Variants in BRIP1 observed in about 807,000 individuals in gnomAD.
BRIP1 encodes the protein Fanconi anemia group J protein.
Under a neutral mutation model 119.7 loss-of-function variants are expected in BRIP1, and 88 were observed. The observed-to-expected ratio is 0.74, with a 90% confidence interval of 0.62 to 0.88. BRIP1 has a LOEUF of 0.88. Ranked by LOEUF, BRIP1 falls within the 40% of genes least tolerant of loss-of-function variation. BRIP1 has a pLI of 0.00. For missense variants in BRIP1, 1,259 were observed against 1,455.4 expected, an observed-to-expected ratio of 0.87 and a Z score of 2.20; for synonymous variants, 443 against 496.5, an observed-to-expected ratio of 0.89 and a Z score of 1.43.
chr17:61,719,527 A>T (rs1290486708), intron 16 of BRIP1, among the ~76,000 whole-genome samples: 1 of 152,028 alleles, frequency 6.6e-6, no homozygotes, highest in Non-Finnish European at 1.5e-5. Flanking sequence ...GATCAAGACC[A>T]TCCTGGCTAA....
At chr17:61,833,427 T>C (rs2078522140) in intron 6 of BRIP1, among the ~76,000 whole-genome samples, 1 of 152,162 alleles carries the variant, frequency 6.6e-6, no homozygotes, top group Admixed American at 6.5e-5. Flanking sequence ...CCCAGCACTT[T>C]GGGAGGCCAA....
chr17:61,849,443 G>A lies in BRIP1; in HGVS notation c.380-187C>T, dbSNP rs538007900. Reference sequence around the variant, plus strand: ...CAGTTTACTTTACCAAAGATTCTGAGAAACATGCTTTCAATAGGAAAAGTC... The same window carrying A: ...CAGTTTACTTTACCAAAGATTCTGAAAAACATGCTTTCAATAGGAAAAGTC... On this transcript the variant is annotated intron_variant, in intron 4 of 19. Coordinates refer to ENST00000259008, the MANE Select transcript of BRIP1 (RefSeq NM_032043.3). 3.3e-5 allele frequency among the ~76,000 whole-genome samples: 5 copies of A among 150,748 alleles called. No individual in the cohort carries two copies. In the South Asian group the frequency reaches 1.0e-3, roughly 32 times the overall value.
At position 61,862,262 on chromosome 17, in the gene BRIP1, T is replaced by C. The variant is rs2078983259; in HGVS notation, c.-30-693A>G. Among the ~76,000 whole-genome samples the C allele has an allele frequency of 6.6e-6, 1 of 152,242 alleles. No homozygotes were observed. The highest frequency in any genetic ancestry group is 1.5e-5 in the Non-Finnish European group (1 of 68,044). On this transcript the variant is annotated intron_variant, in intron 1 of 19. Coordinates refer to ENST00000259008, the MANE Select transcript of BRIP1 (RefSeq NM_032043.3). The surrounding 1 kb of genome is among the most constrained non-coding windows in gnomAD (Gnocchi z 5.3). ...ATAAGAAAGAGAATGCCTTGGCACA[T>C]AGTAGGCACTCAAAAATGTTATTTG...
rs1169022158 is a variant in BRIP1, at chr17:61,758,518, TC to T, written c.2098-13928del. Reference sequence around the variant, plus strand: ...TGAAAGAAATTTTTTGGAGAAAGCATCGCTTCACAATCTAGTGAATAAGATC... The same window carrying T: ...TGAAAGAAATTTTTTGGAGAAAGCATGCTTCACAATCTAGTGAATAAGATC... On this transcript the variant is annotated intron_variant, in intron 14 of 19. Coordinates refer to ENST00000259008, the MANE Select transcript of BRIP1 (RefSeq NM_032043.3). The surrounding 1 kb of genome is among the most constrained non-coding windows in gnomAD (Gnocchi z 5.3). Among the ~76,000 whole-genome samples the T allele has an allele frequency of 2.0e-5, 3 of 152,198 alleles. No homozygotes were observed. The highest frequency in any genetic ancestry group is 7.2e-5 in the African/African-American group (3 of 41,440).
chr17:61,855,638 G>A (rs1050101958), intron 4 of BRIP1, among the ~76,000 whole-genome samples: 4 of 150,032 alleles, frequency 2.7e-5, no homozygotes, highest in Non-Finnish European at 4.4e-5. Context: ...TCAAGTAAAC[G>A]TCAATAAAGC....
chr17:61,849,635 G>A (rs1463865540), intron 4 of BRIP1, among the ~76,000 whole-genome samples: 1 of 152,108 alleles, frequency 6.6e-6, no homozygotes, highest in South Asian at 2.1e-4. Context: ...ACGTTCTTTA[G>A]AGCAAAACCA....
At position 61,695,316 on chromosome 17, in the gene BRIP1, A is replaced by G. The variant is rs556387122; in HGVS notation, c.2493-1804T>C. ...TCACTGTAGATGTATGAATTTGTTT[A>G]TGGACCCTCAATTCTACCCATTGAT... On this transcript the variant is annotated intron_variant, in intron 17 of 19. Coordinates refer to ENST00000259008, the MANE Select transcript of BRIP1 (RefSeq NM_032043.3). This position sits in a 1 kb window ranked among gnomAD's most constrained non-coding sequence, Gnocchi z 4.3. Among the ~76,000 whole-genome samples, 1 of 152,250 alleles carries G rather than the reference A, an allele frequency of 6.6e-6. No homozygotes were observed. The highest frequency in any genetic ancestry group is 2.4e-5 in the African/African-American group (1 of 41,576).
In BRIP1 at chr17:61,852,239, C is replaced by T. The variant is rs2078832243; in HGVS notation, c.380-2983G>A. Among the ~76,000 whole-genome samples the T allele has an allele frequency of 6.6e-6, 1 of 152,116 alleles. No homozygotes were observed. Among genetic ancestry groups the T allele is most frequent in the South Asian group, 2.1e-4 (1 of 4,826 alleles). ...CATCACATACAAAAAGGCTTATCTT[C>T]CTGGTCTTGATAGCAAGGGAGTTTG... On this transcript the variant is annotated intron_variant, in intron 4 of 19. Transcript: ENST00000259008. The surrounding 1 kb of genome is among the most constrained non-coding windows in gnomAD (Gnocchi z 4.9).
rs576159417 is a variant in BRIP1 at position 61,808,213 on chromosome 17, A to G, written c.918+254T>C. ...TTGGTAGCAGGATTTAAAAGAAGAA[A>G]CTAAGATGTCTGACTACAACAGAAA... is the stretch of plus-strand genomic sequence containing the variant. On this transcript the variant is annotated intron_variant, in intron 7 of 19. Coordinates refer to ENST00000259008, the MANE Select transcript of BRIP1 (RefSeq NM_032043.3). This position sits in a 1 kb window ranked among gnomAD's most constrained non-coding sequence, Gnocchi z 4.1. Among the ~76,000 whole-genome samples, 6 of 152,308 alleles carry G rather than the reference A, an allele frequency of 3.9e-5. No individual in the cohort carries two copies. The East Asian group carries it at 1.2e-3, about 29-fold the overall frequency.
rs948009669 is a variant in BRIP1, at chr17:61,722,035, GCTTTTTTTTTTTTT to G, written c.2380-5986_2380-5973del. 1.3e-4 allele frequency among the ~76,000 whole-genome samples: 3 copies of G among 23,188 alleles called. No homozygotes were observed. The highest frequency in any genetic ancestry group is 2.2e-4 in the Non-Finnish European group (2 of 8,962). The allele number at this position is 23,188 out of a possible 152,430, so 15.2% of individuals were successfully genotyped here. A position where few individuals can be genotyped will look rare whatever the true frequency, so the allele number is the denominator to read the frequency against. On this transcript the variant is annotated intron_variant, in intron 16 of 19. Coordinates refer to ENST00000259008, the MANE Select transcript of BRIP1 (RefSeq NM_032043.3). This position sits in a 1 kb window ranked among gnomAD's most constrained non-coding sequence, Gnocchi z 4.6. ...TGAGCCACCACGCCTAGCCAACTTT[GCTTTTTTTTTTTTT>G]CTTTTTTTTTGAGACGGAGTCTTGC...
Position 61,847,951 on chromosome 17 carries a change from G to A in BRIP1, c.508-731C>T, listed in dbSNP as rs550887335. Among the ~76,000 whole-genome samples, 8 of 152,144 alleles carry A rather than the reference G, an allele frequency of 5.3e-5. No homozygotes were observed. In the East Asian group the frequency reaches 1.3e-3, roughly 26 times the overall value. On this transcript the variant is annotated intron_variant, in intron 5 of 19. Coordinates refer to ENST00000259008, the MANE Select transcript of BRIP1 (RefSeq NM_032043.3). ...AAATCTATGAATACATTTTGTCGGG[G>A]GGAAATCTCTATAGGTTCACACCTC...
chr17:61,834,721 C>G lies in BRIP1; in HGVS notation c.627+12380G>C, dbSNP rs2078544970. 6.6e-6 allele frequency among the ~76,000 whole-genome samples: 1 copy of G among 152,090 alleles called. No individual in the cohort carries two copies. The highest frequency in any genetic ancestry group is 1.5e-5 in the Non-Finnish European group (1 of 68,008). On this transcript the variant is annotated intron_variant, in intron 6 of 19. Transcript: ENST00000259008. The surrounding 1 kb of genome is among the most constrained non-coding windows in gnomAD (Gnocchi z 4.4). ...CTTGCTGCTCTTGGAACCCTGAGGC[C>G]ACCATATACATAAACCAGAATTAGC...
In BRIP1 at chr17:61,760,869, T is replaced by C. The variant is rs1010131901; in HGVS notation, c.2097+15532A>G. On this transcript the variant is annotated intron_variant, in intron 14 of 19. Transcript: ENST00000259008. The surrounding 1 kb of genome is among the most constrained non-coding windows in gnomAD (Gnocchi z 4.6). ...CATTCTCAAATGCTTTCAAAGAAGT[T>C]GAAAAGGAGGATATACTTCTAAATT... Among the ~76,000 whole-genome samples the C allele has an allele frequency of 2.0e-5, 3 of 152,000 alleles. No individual in the cohort carries two copies. The highest frequency in any genetic ancestry group is 1.5e-5 in the Non-Finnish European group (1 of 67,916).
In BRIP1 at chr17:61,861,565, C is replaced by T. The variant is rs2145867046; in HGVS notation, c.-26G>A. The T allele has an allele frequency of 6.6e-7, 1 of 1,513,594 alleles. No individual in the cohort carries two copies. Among genetic ancestry groups the T allele is most frequent in the East Asian group, 2.3e-5 (1 of 44,302 alleles). 93.8% of individuals were successfully genotyped at this position (1,513,594 alleles called of 1,614,324 possible). A position where few individuals can be genotyped will look rare whatever the true frequency, so the allele number is the denominator to read the frequency against. On this transcript the variant is annotated 5_prime_UTR_variant, in exon 2 of 20. Transcript: ENST00000259008. The surrounding 1 kb of genome is among the most constrained non-coding windows in gnomAD (Gnocchi z 4.5). ...AGTGCTTTCCTGTTTATTTCAGATT[C>T]CTAACTACAACAGAAATGAAAATGT...
rs1383998781 is a variant in BRIP1 at position 61,703,488 on chromosome 17, G to A, written c.2493-9976C>T. Reference sequence around the variant, plus strand: ...CATGTCCTTTGGCCACTTTTTAATGGGGTTGTTTTTTGCTTGTCAATTTAA... The same window carrying A: ...CATGTCCTTTGGCCACTTTTTAATGAGGTTGTTTTTTGCTTGTCAATTTAA... On this transcript the variant is annotated intron_variant, in intron 17 of 19. Transcript: ENST00000259008. This position sits in a 1 kb window ranked among gnomAD's most constrained non-coding sequence, Gnocchi z 5.0. Among the ~76,000 whole-genome samples the A allele has an allele frequency of 1.3e-5, 2 of 152,108 alleles. No individual in the cohort carries two copies. Among genetic ancestry groups the A allele is most frequent in the Admixed American group, 1.3e-4 (2 of 15,268 alleles).
In BRIP1 at chr17:61,752,140, A is replaced by G. The variant is rs1170578806; in HGVS notation, c.2098-7549T>C. Among the ~76,000 whole-genome samples, 2 of 152,148 alleles carry G rather than the reference A, an allele frequency of 1.3e-5. No individual in the cohort carries two copies. The highest frequency in any genetic ancestry group is 1.3e-4 in the Admixed American group (2 of 15,268). ...TGATGGATACTCAGATCTCCATTTT[A>G]TTATTATTTAAAATGTACATATTAG... On this transcript the variant is annotated intron_variant, in intron 14 of 19. Coordinates refer to ENST00000259008, the MANE Select transcript of BRIP1 (RefSeq NM_032043.3). This position sits in a 1 kb window ranked among gnomAD's most constrained non-coding sequence, Gnocchi z 6.2.
intron 14 of BRIP1, among the ~76,000 whole-genome samples, chr17:61,766,899 C>G (rs1315019863): frequency 6.6e-6 from 1 of 152,032 alleles, no homozygotes; most frequent in Non-Finnish European, 1.5e-5. Context: ...AGAAACTTCT[C>G]TGTCCATATA....
In BRIP1 at chr17:61,856,925, A is replaced by G. The variant is rs2145823353; in HGVS notation, c.379+133T>C. 1 of 917,696 alleles carries G rather than the reference A, an allele frequency of 1.1e-6. No individual in the cohort carries two copies. The highest frequency in any genetic ancestry group is 3.2e-4 in the Middle Eastern group (1 of 3,088). The allele number at this position is 917,696 out of a possible 1,614,324, so 56.8% of individuals were successfully genotyped here. On this transcript the variant is annotated intron_variant, in intron 4 of 19. Transcript: ENST00000259008. This position sits in a 1 kb window ranked among gnomAD's most constrained non-coding sequence, Gnocchi z 5.1. ...TTTGACCACTCTGTGCTATTTTAAA[A>G]TCATTCCAGAGAAACTAGATAGAGA...
In BRIP1 at chr17:61,799,177, T is replaced by C. The variant is rs864622423; in HGVS notation, c.1263A>G (p.Glu421=). 1.2e-6 allele frequency: 2 copies of C among 1,613,762 alleles called. No individual in the cohort carries two copies. The highest frequency in any genetic ancestry group is 8.5e-7 in the Non-Finnish European group (1 of 1,179,724). ...TEVQLRFARD[E]LDSMVNNNIR... is the part of the protein sequence containing the mutation. ...TATTATTGTTGACCATACTATCTAG[T>C]TCATCCCGAGCAAACCGAAGCTGAA... Residue 421 remains glutamate (E), a synonymous_variant, in exon 9 of 20, where the codon GAA becomes GAG. Transcript: ENST00000259008. This position sits in a 1 kb window ranked among gnomAD's most constrained non-coding sequence, Gnocchi z 5.1.
Sources: allele counts gnomAD v4.1 joint callset (sites outside exome capture counted in the v4.1 genomes callset), GRCh38; gene constraint gnomAD v4.1.1; non-coding constraint Gnocchi (gnomAD v3.1); transcripts MANE v1.5; gene names NCBI Gene and HGNC (gene_info 2026-07-23, HGNC 2026-07-21).